Variants in NARS2 observed in about 807,000 individuals in gnomAD.
NARS2 encodes asparaginyl-tRNA synthetase.
In NARS2, 60 loss-of-function variants were observed where a neutral mutation model predicts 62.9. That is an observed-to-expected ratio of 0.95 (90% confidence interval 0.77 to 1.18). The LOEUF (loss-of-function observed/expected upper bound fraction) is 1.18. Among genes scored for constraint, NARS2 ranks in the 50% most tolerant of loss-of-function variants. NARS2 has a pLI of 0.00. For synonymous variants in NARS2, 196 were observed against 200.0 expected, an observed-to-expected ratio of 0.98 and a Z score of 0.17; for missense variants, 619 against 576.4, an observed-to-expected ratio of 1.07 and a Z score of -0.76.
chr11:78,464,965 C>T (rs974334541), intron 11 of NARS2, among the ~76,000 whole-genome samples: 3 of 152,262 alleles, frequency 2.0e-5, no homozygotes, highest in Admixed American at 6.5e-5. Context: ...CCGCGCCATG[C>T]GCCTGCACTC....
intron 7 of NARS2, among the ~76,000 whole-genome samples, chr11:78,489,784 G>A (rs1354628825): frequency 2.6e-5 from 4 of 152,130 alleles, no homozygotes; most frequent in Admixed American, 6.6e-5. Context: ...GGGTGGCTGC[G>A]GCTCACATGT....
chr11:78,563,648 T>G (rs936065250), intron 4 of NARS2, among the ~76,000 whole-genome samples: 3 of 149,462 alleles, frequency 2.0e-5, no homozygotes, highest in Non-Finnish European at 3.0e-5. Context: ...CTGGCCAACA[T>G]AGTGAAACCC....
intron 3 of NARS2, among the ~76,000 whole-genome samples, chr11:78,566,738 C>T (rs1856759092): frequency 6.6e-6 from 1 of 152,154 alleles, no homozygotes; most frequent in African/African-American, 2.4e-5. Context: ...TGGTGCAATT[C>T]ATTACTATTA....
intron 11 of NARS2, among the ~76,000 whole-genome samples, chr11:78,465,087 G>C (rs576065965): frequency 6.6e-6 from 1 of 152,326 alleles, no homozygotes; most frequent in South Asian, 2.1e-4. Flanking sequence ...GCTCAGGCAT[G>C]GGGGGCTGCA....
Position 78,484,099 on chromosome 11 carries a change from A to AT in NARS2, c.823-5417dup, listed in dbSNP as rs1859471366. On this transcript the variant is annotated intron_variant, in intron 7 of 13. Transcript: ENST00000281038. ...GAAATAACACCACACATCTACAACC[A>AT]TTTGATTTTTGACAAACCTGACAAA... 3.3e-5 allele frequency among the ~76,000 whole-genome samples: 5 copies of AT among 152,186 alleles called. No individual in the cohort carries two copies. In the South Asian group the frequency reaches 1.0e-3, roughly 31 times the overall value.
chr11:78,445,464 T>C (rs1857725629), intron 11 of NARS2, among the ~76,000 whole-genome samples: 1 of 151,758 alleles, frequency 6.6e-6, no homozygotes, highest in Non-Finnish European at 1.5e-5. Context: ...CTGCCAAAAA[T>C]ACAAAAATTA....
chr11:78,443,148 ACT>A (rs1439171494), intron 12 of NARS2, among the ~76,000 whole-genome samples: 1 of 151,898 alleles, frequency 6.6e-6, no homozygotes, highest in African/African-American at 2.4e-5. Context: ...ACACGGTGAA[ACT>A]CTGTCTCTAC....
intron 7 of NARS2, 58 bp from the exon 8 acceptor site, chr11:78,478,741 T>C: frequency 1.9e-6 from 2 of 1,074,842 alleles, no homozygotes; most frequent in Middle Eastern, 2.1e-4. Flanking sequence ...GAAAAACCTG[T>C]TCAGGACTCA....
chr11:78,530,934 ACTTTT>A (rs1302095234), intron 5 of NARS2, among the ~76,000 whole-genome samples: 3 of 152,194 alleles, frequency 2.0e-5, no homozygotes, highest in African/African-American at 7.2e-5. Context: ...ACTATAAATT[ACTTTT>A]CTTTTATATT....
chr11:78,506,641 T>TC (rs1565244879), intron 6 of NARS2, among the ~76,000 whole-genome samples: 34 of 152,148 alleles, frequency 2.2e-4, no homozygotes, highest in Admixed American at 3.3e-4. Context: ...CTCAAGCAAT[T>TC]CTCCTGTCTC....
intron 11 of NARS2, among the ~76,000 whole-genome samples, chr11:78,464,696 G>C (rs985729185): frequency 6.6e-5 from 10 of 151,950 alleles, no homozygotes; most frequent in Non-Finnish European, 1.3e-4. Flanking sequence ...CCCTTAGCTA[G>C]ACATAAAGGT....
intron 5 of NARS2, among the ~76,000 whole-genome samples, chr11:78,537,895 T>C (rs1855429050): frequency 6.6e-6 from 1 of 152,240 alleles, no homozygotes; most frequent in Admixed American, 6.5e-5. Context: ...GTAGGCATAG[T>C]AGTCTCCCCT....
At chr11:78,566,942 C>T (rs889452884) in intron 3 of NARS2, among the ~76,000 whole-genome samples, 3 of 128,402 alleles carry the variant, frequency 2.3e-5, no homozygotes, top group Non-Finnish European at 5.2e-5. Context: ...GCTACACTGG[C>T]AGCCTGTTTC....
chr11:78,505,093 C>T (rs1860436044), intron 6 of NARS2, among the ~76,000 whole-genome samples: 2 of 150,858 alleles, frequency 1.3e-5, no homozygotes, highest in African/African-American at 4.9e-5. Flanking sequence ...TTTCTGAATT[C>T]ATAGCAAGAG....
At chr11:78,528,107 A>G (rs1389235799) in intron 6 of NARS2, among the ~76,000 whole-genome samples, 1 of 152,084 alleles carries the variant, frequency 6.6e-6, no homozygotes, top group Non-Finnish European at 1.5e-5. Context: ...TTGGTGGTAT[A>G]TACCTGTAGT....
At chr11:78,508,493 G>A (rs895787853) in intron 6 of NARS2, among the ~76,000 whole-genome samples, 1 of 151,790 alleles carries the variant, frequency 6.6e-6, no homozygotes, top group South Asian at 2.1e-4. Flanking sequence ...AGAGGCTAAG[G>A]CAGGAGAATC....
chr11:78,446,880 G>A (rs183511431), intron 11 of NARS2, among the ~76,000 whole-genome samples: 1 of 151,866 alleles, frequency 6.6e-6, no homozygotes, highest in East Asian at 1.9e-4. Context: ...GCACAGCAAA[G>A]GAAACAATTA....
intron 6 of NARS2, among the ~76,000 whole-genome samples, chr11:78,495,053 T>C (rs1398379026): frequency 1.3e-5 from 2 of 152,154 alleles, no homozygotes; most frequent in African/African-American, 2.4e-5. Context: ...GCTTAGAAAA[T>C]AACAGCTTTT....
chr11:78,461,537 G>A (rs1858393983), intron 11 of NARS2, among the ~76,000 whole-genome samples: 1 of 148,000 alleles, frequency 6.8e-6, no homozygotes, highest in Non-Finnish European at 1.5e-5. Flanking sequence ...CTACTTCAAC[G>A]GTGTGATAGG....
Sources: allele counts gnomAD v4.1 joint callset (sites outside exome capture counted in the v4.1 genomes callset), GRCh38; gene constraint gnomAD v4.1.1; transcripts MANE v1.5; gene names NCBI Gene and HGNC (gene_info 2026-07-23, HGNC 2026-07-21).